The following GOLGA4 variants were observed in gnomAD, a reference collection of about 807,000 sequenced individuals.
GOLGA4 encodes golgin subfamily A member 4.
In GOLGA4, 169 loss-of-function variants were observed where a neutral mutation model predicts 265.9. The observed-to-expected ratio is 0.64, with a 90% CI of 0.56 to 0.72. GOLGA4 has a LOEUF of 0.72. GOLGA4 is among the 30% of genes least tolerant of loss of function. The pLI, the probability that GOLGA4 is intolerant of heterozygous loss-of-function variation, is 0.00. For synonymous variants in GOLGA4, 923 were observed against 855.8 expected (o/e 1.08, Z -1.37); for missense variants, 2,482 against 2,483.4 (o/e 1.00, Z 0.01).
At chr3:37,271,256 A>G (rs992986466) in intron 2 of GOLGA4, among the ~76,000 whole-genome samples, 3 of 152,074 alleles carry the variant, frequency 2.0e-5, no homozygotes, top group African/African-American at 7.2e-5. Context: ...GCTTTATAGT[A>G]TGTAGTATAT....
intron 2 of GOLGA4, among the ~76,000 whole-genome samples, chr3:37,274,879 G>C (rs1384157811): frequency 6.6e-6 from 1 of 151,918 alleles, no homozygotes; most frequent in Admixed American, 6.6e-5. Flanking sequence ...AATGATTTGT[G>C]AACTAAATTA....
chr3:37,345,547 T>C, intron 20 of GOLGA4, among the ~76,000 whole-genome samples: 1 of 152,222 alleles, frequency 6.6e-6, no homozygotes, highest in East Asian at 1.9e-4. Context: ...AAAGCCTCTT[T>C]ATTTGAACAA....
rs535752835 is a variant in GOLGA4, at chr3:37,252,267, T to C, written c.162+783T>C. On this transcript the variant is annotated intron_variant, in intron 2 of 23. Coordinates refer to ENST00000361924, the MANE Select transcript of GOLGA4 (RefSeq NM_002078.5). ...ACTGTTAGCACTGTCGTGCTCCCTTTCCCCCTGAAGGATTACCACCATCCT... is the reference window on the plus strand; with the variant it reads ...ACTGTTAGCACTGTCGTGCTCCCTTCCCCCCTGAAGGATTACCACCATCCT... Among the ~76,000 whole-genome samples, 21 of 151,156 alleles carry C rather than the reference T, an allele frequency of 1.4e-4. No individual in the cohort carries two copies. The East Asian group carries it at 1.6e-3, about 11-fold the overall frequency.
At chr3:37,245,806 C>T (rs572295187) in intron 1 of GOLGA4, among the ~76,000 whole-genome samples, 3 of 152,126 alleles carry the variant, frequency 2.0e-5, no homozygotes, top group Non-Finnish European at 4.4e-5. Flanking sequence ...TCTGGTGATC[C>T]GCCAGCCCCG....
At chr3:37,303,739 G>C (rs1430464484) in intron 10 of GOLGA4, among the ~76,000 whole-genome samples, 1 of 152,134 alleles carries the variant, frequency 6.6e-6, no homozygotes, top group African/African-American at 2.4e-5. Context: ...AGTCATAGTG[G>C]TAACAGCAGC....
At chr3:37,258,477 G>A (rs2096760532) in intron 2 of GOLGA4, among the ~76,000 whole-genome samples, 1 of 151,928 alleles carries the variant, frequency 6.6e-6, no homozygotes, top group Admixed American at 6.6e-5. Flanking sequence ...ACAGGCATGT[G>A]CCACCACACC....
chr3:37,267,306 A>C lies in GOLGA4; in HGVS notation c.163-14652A>C, dbSNP rs191859944. Reference sequence around the variant, plus strand: ...CTACTATTGATGGGCGGTTAAGAATATTTTGAGATATGACTTACATTTTTA... The same window carrying C: ...CTACTATTGATGGGCGGTTAAGAATCTTTTGAGATATGACTTACATTTTTA... On this transcript the variant is annotated intron_variant, in intron 2 of 23. Transcript: ENST00000361924. Among the ~76,000 whole-genome samples, 444 of 152,346 alleles carry C rather than the reference A, an allele frequency of 2.9e-3. 3 individuals are homozygous for C. Among genetic ancestry groups the C allele is most frequent in the African/African-American group, 0.01 (433 of 41,586 alleles).
At chr3:37,310,717 A>C (rs2096920666) in intron 10 of GOLGA4, among the ~76,000 whole-genome samples, 1 of 151,736 alleles carries the variant, frequency 6.6e-6, no homozygotes. Flanking sequence ...AGTATTTTTA[A>C]AGTGTGTGTG....
At chr3:37,264,271 A>G (rs1002953907) in intron 2 of GOLGA4, among the ~76,000 whole-genome samples, 6 of 152,240 alleles carry the variant, frequency 3.9e-5, no homozygotes, top group Non-Finnish European at 2.9e-5. Flanking sequence ...TGAATTTTTT[A>G]TAGCCTTTAA....
intron 5 of GOLGA4, 25 bp from the exon 6 acceptor site, chr3:37,294,954 A>G: frequency 6.8e-7 from 1 of 1,476,376 alleles, no homozygotes; most frequent in Non-Finnish European, 9.3e-7. Context: ...ACTGAAAATT[A>G]CCTGTAAATC....
intron 16 of GOLGA4, among the ~76,000 whole-genome samples, chr3:37,331,738 A>G (rs889391911): frequency 3.9e-5 from 6 of 152,184 alleles, no homozygotes; most frequent in East Asian, 1.9e-4. Context: ...TCATTTTTCT[A>G]CCTTGAATGA....
rs762637232 is a variant in GOLGA4 at position 37,327,534 on chromosome 3, A to G, written c.5648A>G (p.Lys1883Arg). ...EMEELTSKYE[K>R]LQALQQMDGR... is the part of the protein sequence containing the mutation. ...GAAGAGTTGACCTCAAAATATGAAA[A>G]ATTACAGGCTTTACAACAGATGGAT... is the stretch of plus-strand genomic sequence containing the variant. The change falls in exon 14 of 24, where the codon AAA becomes AGA. Residue 1883 changes from lysine (K) to arginine (R), a missense_variant. Transcript: ENST00000361924. 1.9e-6 allele frequency: 3 copies of G among 1,613,712 alleles called. No homozygotes were observed. The highest frequency in any genetic ancestry group is 1.7e-5 in the Admixed American group (1 of 59,980).
At chr3:37,276,070 T>A in intron 2 of GOLGA4, 1 of 1,612,450 alleles carries the variant, frequency 6.2e-7, no homozygotes, top group Non-Finnish European at 8.5e-7. Context: ...GAGATACTTA[T>A]GTTTCATCCT....
intron 7 of GOLGA4, 98 bp from the exon 8 acceptor site, chr3:37,298,735 G>A (rs766083894): frequency 3.4e-5 from 27 of 789,208 alleles, no homozygotes; most frequent in Non-Finnish European, 5.4e-5. Context: ...AGATGGAGTC[G>A]GTTAGATTAG....
intron 1 of GOLGA4, among the ~76,000 whole-genome samples, chr3:37,248,508 G>A (rs746168027): frequency 1.2e-4 from 18 of 152,146 alleles, no homozygotes; most frequent in Non-Finnish European, 2.1e-4. Flanking sequence ...TAAGGAACCA[G>A]GCACCTGGGA....
chr3:37,349,317 G>A (rs2097066367), intron 21 of GOLGA4, among the ~76,000 whole-genome samples: 1 of 152,138 alleles, frequency 6.6e-6, no homozygotes, highest in African/African-American at 2.4e-5. Context: ...AGTAAGTGCT[G>A]TAAGACAGAA....
At chr3:37,258,485 A>G (rs7637545) in intron 2 of GOLGA4, among the ~76,000 whole-genome samples, 60,932 of 151,674 alleles carry the variant, frequency 0.4, 12,796 homozygotes, top group African/African-American at 0.43. Flanking sequence ...GTGCCACCAC[A>G]CCCAGCTAAT....
chr3:37,257,067 G>A (rs764510283), intron 2 of GOLGA4, among the ~76,000 whole-genome samples: 1 of 152,050 alleles, frequency 6.6e-6, no homozygotes. Context: ...TGCTGATTAA[G>A]CAGTCATTCC....
At chr3:37,321,952 CTAGT>C (rs2096956186) in intron 13 of GOLGA4, 66 bp downstream of exon 13, 12 of 1,318,094 alleles carry the variant, frequency 9.1e-6, no homozygotes, top group Non-Finnish European at 1.3e-5. Flanking sequence ...TTTGTTGTCT[CTAGT>C]CAGTATAAAG....
Sources: allele counts gnomAD v4.1 joint callset (sites outside exome capture counted in the v4.1 genomes callset), GRCh38; gene constraint gnomAD v4.1.1; transcripts MANE v1.5; gene names NCBI Gene and HGNC (gene_info 2026-07-23, HGNC 2026-07-21).